The following DOK5 variants were observed in gnomAD, a reference collection of about 807,000 sequenced individuals.
The protein encoded by DOK5 is docking protein 5, also known as downstream of tyrosine kinase 5.
DOK5 carries 27 observed loss-of-function variants against 43.3 expected under a neutral mutation model. The ratio of observed to expected loss-of-function variants is 0.62; its 90% CI spans 0.46 to 0.86. DOK5 has a LOEUF of 0.86. Ranked by LOEUF, DOK5 falls within the 40% of genes least tolerant of loss-of-function variation. The pLI is 0.00. For synonymous variants in DOK5, 146 were observed against 140.1 expected (o/e 1.04, Z -0.30); for missense variants, 373 against 392.9 (o/e 0.95, Z 0.43).
chr20:54,556,609 A>G (rs1228751538), intron 2 of DOK5, among the ~76,000 whole-genome samples: 1 of 152,116 alleles, frequency 6.6e-6, no homozygotes, highest in Admixed American at 6.5e-5. Flanking sequence ...GACTTGCTTT[A>G]TTTTTGCTAG....
At chr20:54,490,749 C>A (rs1262570868) in intron 1 of DOK5, among the ~76,000 whole-genome samples, 1 of 152,192 alleles carries the variant, frequency 6.6e-6, no homozygotes. Context: ...GCCACCACGC[C>A]CAGCTAATTT....
At chr20:54,481,995 T>C (rs984132532) in intron 1 of DOK5, among the ~76,000 whole-genome samples, 1 of 152,232 alleles carries the variant, frequency 6.6e-6, no homozygotes, top group Admixed American at 6.5e-5. Context: ...CTGGTTATTA[T>C]TTCACTGTTT....
rs1600661411 is a variant in DOK5 at position 54,495,559 on chromosome 20, T to TA, written c.66+19548dup. On this transcript the variant is annotated intron_variant, in intron 1 of 7. Transcript: ENST00000262593. The stretch of plus-strand genomic sequence containing the variant: ...GTATAATAGATGGAATTATAGAAGT[T>TA]ACGCTCACAAGCAGATATTTTGAGA... Among the ~76,000 whole-genome samples, 7 of 152,342 alleles carry TA rather than the reference T, an allele frequency of 4.6e-5. No individual in the cohort carries two copies. In the South Asian group the frequency reaches 1.5e-3, roughly 32 times the overall value.
At chr20:54,645,087 A>G (rs980331243) in intron 7 of DOK5, among the ~76,000 whole-genome samples, 6 of 139,068 alleles carry the variant, frequency 4.3e-5, no homozygotes, top group African/African-American at 1.6e-4. Context: ...GGCTCACTGC[A>G]AGTTCCGCGC....
At chr20:54,622,178 C>T (rs532290433) in intron 6 of DOK5, among the ~76,000 whole-genome samples, 15 of 150,522 alleles carry the variant, frequency 1.0e-4, no homozygotes, top group African/African-American at 3.7e-4. Context: ...GGCAACAGAG[C>T]AGCACTCCAT....
At chr20:54,576,639 T>C (rs1360215559) in intron 2 of DOK5, among the ~76,000 whole-genome samples, 1 of 152,196 alleles carries the variant, frequency 6.6e-6, no homozygotes, top group Non-Finnish European at 1.5e-5. Flanking sequence ...CTTTACTATA[T>C]GTGCTTTGCC....
chr20:54,614,153 A>G (rs765874602), intron 6 of DOK5, among the ~76,000 whole-genome samples: 3 of 152,134 alleles, frequency 2.0e-5, no homozygotes, highest in Non-Finnish European at 4.4e-5. Context: ...TGTTTAAGAT[A>G]AATTCTTAAA....
chr20:54,485,333 A>T (rs1981889034), intron 1 of DOK5, among the ~76,000 whole-genome samples: 2 of 150,046 alleles, frequency 1.3e-5, no homozygotes, highest in South Asian at 4.2e-4. Context: ...AGCCTGGGTG[A>T]CAAGAGTAAG....
chr20:54,612,590 GAGAA>G (rs759111754), intron 6 of DOK5, among the ~76,000 whole-genome samples: 2 of 152,198 alleles, frequency 1.3e-5, no homozygotes, highest in Non-Finnish European at 2.9e-5. Context: ...GAGGGTAAGA[GAGAA>G]TTAGCTCTCT....
intron 1 of DOK5, among the ~76,000 whole-genome samples, chr20:54,529,564 G>A (rs1983694459): frequency 6.6e-6 from 1 of 151,786 alleles, no homozygotes; most frequent in South Asian, 2.1e-4. Context: ...CAGCATTATT[G>A]GGATATAATT....
chr20:54,596,900 A>T (rs1986158184), intron 5 of DOK5, among the ~76,000 whole-genome samples: 1 of 152,148 alleles, frequency 6.6e-6, no homozygotes, highest in African/African-American at 2.4e-5. Flanking sequence ...TTCTAGCTCC[A>T]TATGGTGACT....
At chr20:54,616,087 T>G (rs1986799184) in intron 6 of DOK5, among the ~76,000 whole-genome samples, 1 of 152,156 alleles carries the variant, frequency 6.6e-6, no homozygotes, top group African/African-American at 2.4e-5. Flanking sequence ...CATAGAAAAC[T>G]AATATAATAA....
intron 1 of DOK5, among the ~76,000 whole-genome samples, chr20:54,548,873 G>A (rs1600695223): frequency 6.6e-6 from 1 of 152,330 alleles, no homozygotes; most frequent in East Asian, 1.9e-4. Flanking sequence ...TTTAGGATAA[G>A]CTTTTAGTCC....
chr20:54,490,087 T>G (rs988618625), intron 1 of DOK5, among the ~76,000 whole-genome samples: 1 of 152,220 alleles, frequency 6.6e-6, no homozygotes, highest in South Asian at 2.1e-4. Context: ...TCTTTTCAGT[T>G]GTGCAGGCTT....
At position 54,588,616 on chromosome 20, in the gene DOK5, T is replaced by TG. The variant is rs752005105; in HGVS notation, c.289+25dup. 3.7e-6 allele frequency: 6 copies of TG among 1,613,996 alleles called. No homozygotes were observed. Among genetic ancestry groups the TG allele is most frequent in the Non-Finnish European group, 5.1e-6 (6 of 1,179,960 alleles). On this transcript the variant is annotated intron_variant, in intron 3 of 7. Coordinates refer to ENST00000262593, the MANE Select transcript of DOK5 (RefSeq NM_018431.5). Reference sequence around the variant, plus strand: ...GAATCAGGTTTGTCTCAGGCAGGGCTGGGGGGCTTTTGCTTTTAGATTCTG... The same window carrying TG: ...GAATCAGGTTTGTCTCAGGCAGGGCTGGGGGGGCTTTTGCTTTTAGATTCTG...
chr20:54,489,867 TC>T (rs1240062301), intron 1 of DOK5, among the ~76,000 whole-genome samples: 1 of 152,204 alleles, frequency 6.6e-6, no homozygotes, highest in African/African-American at 2.4e-5. Flanking sequence ...GACTTATTGT[TC>T]CAAGGGTATT....
intron 1 of DOK5, among the ~76,000 whole-genome samples, chr20:54,500,555 GTATTTTTTTTTTT>G (rs1982555067): frequency 7.5e-6 from 1 of 133,672 alleles, no homozygotes; most frequent in Non-Finnish European, 1.5e-5. Context: ...CATACCCAGT[GTATTTTTTTTTTT>G]TTTTTTTTTT....
intron 1 of DOK5, among the ~76,000 whole-genome samples, chr20:54,531,741 T>C (rs1253852318): frequency 6.6e-6 from 1 of 152,236 alleles, no homozygotes; most frequent in African/African-American, 2.4e-5. Flanking sequence ...CCACTGGCTC[T>C]ACTGATGTTA....
chr20:54,574,651 A>T (rs1985397660), intron 2 of DOK5, among the ~76,000 whole-genome samples: 1 of 152,230 alleles, frequency 6.6e-6, no homozygotes, highest in Non-Finnish European at 1.5e-5. Context: ...TCTGCAGATT[A>T]TATTAGTGAA....
Sources: gnomAD v4.1 joint callset for allele counts (sites outside exome capture counted in the v4.1 genomes callset) on GRCh38, gnomAD v4.1.1 for gene constraint, MANE v1.5 for transcripts, NCBI Gene and HGNC (gene_info 2026-07-23, HGNC 2026-07-21) for gene names.